FAM135B: variants seen among roughly 807,000 people sequenced by gnomAD.
The protein encoded by FAM135B is protein FAM135B.
A neutral mutation model predicts 127.7 loss-of-function variants in FAM135B; 43 were observed. The ratio of observed to expected loss-of-function variants is 0.34; its 90% CI spans 0.26 to 0.43. FAM135B has a LOEUF of 0.43. Among genes scored for constraint, FAM135B ranks in the 20% least tolerant of loss-of-function variants. FAM135B has a pLI of 1.00. For missense variants in FAM135B, 1,558 were observed against 1,725.6 expected (o/e 0.90, Z 1.72); for synonymous variants, 670 against 665.1 (o/e 1.01, Z -0.11).
At chr8:138,185,950 T>C (rs1815525121) in intron 9 of FAM135B, among the ~76,000 whole-genome samples, 1 of 152,094 alleles carries the variant, frequency 6.6e-6, no homozygotes, top group African/African-American at 2.4e-5. Context: ...CTGCCCTGCA[T>C]CCCCACCTGA....
At chr8:138,228,858 A>G (rs1025693356) in intron 7 of FAM135B, among the ~76,000 whole-genome samples, 4 of 152,196 alleles carry the variant, frequency 2.6e-5, no homozygotes, top group Admixed American at 6.5e-5. Context: ...CGGCTGCAGC[A>G]TCTGTTCTTC....
At chr8:138,314,540 T>C (rs1397758398) in intron 2 of FAM135B, among the ~76,000 whole-genome samples, 1 of 151,940 alleles carries the variant, frequency 6.6e-6, no homozygotes, top group Non-Finnish European at 1.5e-5. Flanking sequence ...CAAATGTTCA[T>C]ACACAAAAAG....
At chr8:138,454,341 T>C (rs1412064108) in intron 1 of FAM135B, among the ~76,000 whole-genome samples, 1 of 152,056 alleles carries the variant, frequency 6.6e-6, no homozygotes, top group East Asian at 1.9e-4. Context: ...CCTTCATTCG[T>C]CAAATGGAAA....
intron 1 of FAM135B, among the ~76,000 whole-genome samples, chr8:138,412,114 C>T (rs920746680): frequency 6.6e-6 from 1 of 152,198 alleles, no homozygotes; most frequent in Admixed American, 6.5e-5. Context: ...CTCTTAGATA[C>T]TATGCCCGCT....
chr8:138,354,775 G>T (rs1829988216), intron 2 of FAM135B, among the ~76,000 whole-genome samples: 1 of 152,108 alleles, frequency 6.6e-6, no homozygotes, highest in South Asian at 2.1e-4. Flanking sequence ...TTCAAGGGGG[G>T]ATTTGTATGA....
intron 7 of FAM135B, among the ~76,000 whole-genome samples, chr8:138,210,357 T>A (rs1487436415): frequency 6.6e-6 from 1 of 152,170 alleles, no homozygotes; most frequent in Non-Finnish European, 1.5e-5. Flanking sequence ...GGTCTTTGTC[T>A]CTCCCCCTAG....
chr8:138,268,449 C>T (rs1291023882), intron 3 of FAM135B, among the ~76,000 whole-genome samples: 3 of 152,032 alleles, frequency 2.0e-5, no homozygotes, highest in Non-Finnish European at 4.4e-5. Flanking sequence ...ATTTTTCATA[C>T]CTTAGGAGGC....
At chr8:138,233,214 C>T (rs2130239704) in intron 7 of FAM135B, among the ~76,000 whole-genome samples, 1 of 152,264 alleles carries the variant, frequency 6.6e-6, no homozygotes, top group Non-Finnish European at 1.5e-5. Flanking sequence ...AGTATGGTAA[C>T]AGCATAAAAG....
chr8:138,441,130 TTAA>T (rs1835740065), intron 1 of FAM135B: 1 of 152,134 alleles, frequency 6.6e-6, no homozygotes, highest in Non-Finnish European at 1.5e-5. Flanking sequence ...GGCTACAATG[TTAA>T]TGATGAATAC....
chr8:138,247,769 C>G (rs1488169537), intron 6 of FAM135B, among the ~76,000 whole-genome samples: 1 of 152,216 alleles, frequency 6.6e-6, no homozygotes, highest in Non-Finnish European at 1.5e-5. Flanking sequence ...TACCAGGTAA[C>G]TCTACTGCTC....
At chr8:138,239,853 C>T (rs1820596744) in intron 7 of FAM135B, among the ~76,000 whole-genome samples, 1 of 152,132 alleles carries the variant, frequency 6.6e-6, no homozygotes, top group Non-Finnish European at 1.5e-5. Flanking sequence ...TTTGTAGGGA[C>T]ATGGATGAAG....
chr8:138,211,814 T>G (rs187500926), intron 7 of FAM135B, among the ~76,000 whole-genome samples: 236 of 152,288 alleles, frequency 1.5e-3, no homozygotes, highest in African/African-American at 5.3e-3. Flanking sequence ...ACTCCTGTAA[T>G]CCCAGCACTT....
intron 9 of FAM135B, among the ~76,000 whole-genome samples, chr8:138,182,456 C>T (rs1815141705): frequency 6.6e-6 from 1 of 152,168 alleles, no homozygotes; most frequent in South Asian, 2.1e-4. Flanking sequence ...ACCCTCGTCA[C>T]CTGGGTGCTA....
intron 1 of FAM135B, among the ~76,000 whole-genome samples, chr8:138,388,571 T>C (rs568055330): frequency 2.6e-5 from 4 of 152,140 alleles, no homozygotes; most frequent in Admixed American, 6.5e-5. Flanking sequence ...TAAGAATAAA[T>C]GAGCTATCAA....
chr8:138,472,125 C>A (rs962900677), intron 1 of FAM135B, among the ~76,000 whole-genome samples: 1 of 151,748 alleles, frequency 6.6e-6, no homozygotes, highest in Non-Finnish European at 1.5e-5. Context: ...TGTGCAGGAC[C>A]GAGAGAGAGG....
At chr8:138,197,724 C>T (rs1267631690) in intron 7 of FAM135B, 55 bp from the exon 8 acceptor site, 1 of 1,586,736 alleles carries the variant, frequency 6.3e-7, no homozygotes, top group African/African-American at 1.3e-5. Context: ...GCCCAGGCAG[C>T]ACAGGGCTGT....
intron 1 of FAM135B, among the ~76,000 whole-genome samples, chr8:138,395,116 G>A (rs984693941): frequency 1.1e-4 from 17 of 152,136 alleles, no homozygotes; most frequent in Non-Finnish European, 1.9e-4. Context: ...CTTTCTCCAC[G>A]CCTGTGAGAG....
chr8:138,488,839 G>A (rs189121082), intron 1 of FAM135B, among the ~76,000 whole-genome samples: 175 of 152,124 alleles, frequency 1.2e-3, no homozygotes, highest in Admixed American at 2.8e-3. Context: ...GCTAATTTTC[G>A]TATTTTTTGT....
At position 138,463,602 on chromosome 8, in the gene FAM135B, G is replaced by A. The variant is rs565851332; in HGVS notation, c.-20+33069C>T. ...CCATGGCATAATTTCTGGGGTGAAC[G>A]TAAAGCGCTCCACAAATACCAAAGG... is the stretch of plus-strand genomic sequence containing the variant. On this transcript the variant is annotated intron_variant, in intron 1 of 19. Transcript: ENST00000395297. Among the ~76,000 whole-genome samples, 10 of 152,282 alleles carry A rather than the reference G, an allele frequency of 6.6e-5. No individual in the cohort carries two copies. In the East Asian group the frequency reaches 7.7e-4, roughly 12 times the overall value.
Sources: allele counts gnomAD v4.1 joint callset (sites outside exome capture counted in the v4.1 genomes callset), GRCh38; gene constraint gnomAD v4.1.1; transcripts MANE v1.5; gene names NCBI Gene and HGNC (gene_info 2026-07-23, HGNC 2026-07-21).